The following IGSF10 variants were observed in gnomAD, a reference collection of about 807,000 sequenced individuals.
IGSF10 encodes the protein calvaria mechanical force protein 608.
A neutral mutation model predicts 128.2 loss-of-function variants in IGSF10; 126 were observed. The observed-to-expected ratio is 0.98, with a 90% CI of 0.85 to 1.14. The LOEUF is 1.14. IGSF10 is among the 50% of genes most tolerant of loss of function. The pLI, the probability that IGSF10 is intolerant of heterozygous loss-of-function variation, is 0.00. For missense variants in IGSF10, 3,295 were observed against 3,149.8 expected (o/e 1.05, Z -1.10); for synonymous variants, 1,185 against 1,146.2 (o/e 1.03, Z -0.68).
At chr3:151,444,033 G>C (rs1721034127) in intron 6 of IGSF10, 149 bp from the exon 7 acceptor site, 2 of 639,688 alleles carry the variant, frequency 3.1e-6, no homozygotes, top group African/African-American at 1.8e-5. Flanking sequence ...CAACACTTTG[G>C]GAGGCTGAGG....
chr3:151,432,902 A>G (rs558822294), downstream of IGSF10: 2 of 900,918 alleles, frequency 2.2e-6, no homozygotes, highest in African/African-American at 3.4e-5. Flanking sequence ...CCTTTTTTTC[A>G]TTTCTTTGAC....
the IGSF10 span, among the ~76,000 whole-genome samples, chr3:151,481,391 G>A: frequency 1.3e-5 from 2 of 152,172 alleles, no homozygotes; most frequent in Admixed American, 1.3e-4. Context: ...CCATGTTGCT[G>A]CTGCTGCACC....
the IGSF10 span, among the ~76,000 whole-genome samples, chr3:151,560,697 C>T: frequency 8.8e-6 from 1 of 113,532 alleles, no homozygotes; most frequent in Admixed American, 9.9e-5. Flanking sequence ...TTATGCATTG[C>T]CATAGCCCCC....
the IGSF10 span, chr3:151,499,571 G>A: frequency 6.6e-6 from 1 of 152,088 alleles, no homozygotes; most frequent in Non-Finnish European, 1.5e-5. Context: ...ATGAACAAGA[G>A]AATTGTGTTC....
At chr3:151,496,386 C>A in the IGSF10 span, among the ~76,000 whole-genome samples, 2 of 138,636 alleles carry the variant, frequency 1.4e-5, no homozygotes, top group Non-Finnish European at 3.1e-5. Context: ...GTGTGATGTT[C>A]CCCTTCCTGT....
At chr3:151,607,439 A>G in the IGSF10 span, among the ~76,000 whole-genome samples, 13 of 152,186 alleles carry the variant, frequency 8.5e-5, no homozygotes, top group Admixed American at 7.9e-4. Context: ...TGCCCTGTCC[A>G]CACCTTGGGC....
chr3:151,477,026 C>A, the IGSF10 span, among the ~76,000 whole-genome samples: 2 of 152,116 alleles, frequency 1.3e-5, no homozygotes, highest in South Asian at 4.1e-4. Context: ...ATGGTATAAA[C>A]CCTTCTACAC....
In IGSF10 at chr3:151,447,212, T is replaced by G; in HGVS notation, c.2769A>C (p.Thr923=). 1 of 1,614,230 alleles carries G rather than the reference T, an allele frequency of 6.2e-7. No homozygotes were observed. The highest frequency in any genetic ancestry group is 8.5e-7 in the Non-Finnish European group (1 of 1,180,042). ...TGACATCTTTGATCATAGTCCTTACTGTTATTGGGGGTCTACTTTGGAAAT... is the reference window on the plus strand; with the variant it reads ...TGACATCTTTGATCATAGTCCTTACGGTTATTGGGGGTCTACTTTGGAAAT... ...REHFQSRPPI[T]VRTMIKDVNV... is the part of the protein sequence containing the mutation. Residue 923 remains threonine (T), a synonymous_variant, in exon 6 of 8, where the codon ACA becomes ACC. Coordinates refer to ENST00000282466, the MANE Select transcript of IGSF10 (RefSeq NM_178822.5).
At chr3:151,504,049 C>T in the IGSF10 span, among the ~76,000 whole-genome samples, 2 of 152,210 alleles carry the variant, frequency 1.3e-5, no homozygotes, top group African/African-American at 4.8e-5. Context: ...CCTCTGGCTG[C>T]ATGACACCAA....
At chr3:151,494,285 A>T in the IGSF10 span, among the ~76,000 whole-genome samples, 4 of 114,756 alleles carry the variant, frequency 3.5e-5, no homozygotes, top group African/African-American at 1.5e-4. Flanking sequence ...AAGAAGAAGA[A>T]ACAATGATTT....
the IGSF10 span, among the ~76,000 whole-genome samples, chr3:151,548,441 C>A: frequency 2.0e-5 from 3 of 152,176 alleles, no homozygotes; most frequent in Admixed American, 2.0e-4. Context: ...ATTCCTACTG[C>A]GCTCTGCCTA....
chr3:151,517,373 G>T, the IGSF10 span, among the ~76,000 whole-genome samples: 1 of 151,956 alleles, frequency 6.6e-6, no homozygotes, highest in Non-Finnish European at 1.5e-5. Flanking sequence ...TAGGTCGTTT[G>T]GTTTACAGGC....
Position 151,460,978 on chromosome 3 carries a change from G to GCCCGGGCTAGGT in IGSF10, c.-133_-122dup, listed in dbSNP as rs1402320432. The GCCCGGGCTAGGT allele has an allele frequency of 3.0e-6, 3 of 985,236 alleles. No homozygotes were observed. The highest frequency in any genetic ancestry group is 2.3e-4 in the East Asian group (2 of 8,804). The allele number at this position is 985,236 out of a possible 1,614,324, so 61.0% of individuals were successfully genotyped here. A position where few individuals can be genotyped will look rare whatever the true frequency, so the allele number is the denominator to read the frequency against. On this transcript the variant is annotated 5_prime_UTR_variant, in exon 1 of 8. Coordinates refer to ENST00000282466, the MANE Select transcript of IGSF10 (RefSeq NM_178822.5). Reference sequence around the variant, plus strand: ...CCCTGGTGACCAATGGGCTCGAGCTGCCCGGGCTAGGTCCCGGGCTCGGTC... The same window carrying GCCCGGGCTAGGT: ...CCCTGGTGACCAATGGGCTCGAGCTGCCCGGGCTAGGTCCCGGGCTAGGTCCCGGGCTCGGTC...
chr3:151,437,591 A>G lies in IGSF10; in HGVS notation c.6970T>C (p.Leu2324=), dbSNP rs768696602. The G allele has an allele frequency of 8.7e-6, 14 of 1,614,012 alleles. No homozygotes were observed. The highest frequency in any genetic ancestry group is 1.2e-5 in the Non-Finnish European group (14 of 1,180,046). ...TCCAGTACTTCTAACTGTACTACCA[A>G]CACGCTCTCTCCACCTTCATTTCGG... ...VARNEGGESV[L]VVQLEVLEML... The change falls in exon 8 of 8, where the codon TTG becomes CTG. Residue 2324 remains leucine, a synonymous_variant. Transcript: ENST00000282466.
chr3:151,448,168 T>A lies in IGSF10; in HGVS notation c.1813A>T (p.Ile605Phe). 6.2e-7 allele frequency: 1 copy of A among 1,614,212 alleles called. No homozygotes were observed. Among genetic ancestry groups the A allele is most frequent in the Non-Finnish European group, 8.5e-7 (1 of 1,180,018 alleles). Residue 605 changes from isoleucine to phenylalanine, a missense_variant, in exon 6 of 8, where the codon ATT (isoleucine) becomes TTT (phenylalanine). Transcript: ENST00000282466. The stretch of plus-strand genomic sequence containing the variant: ...TTGTTTCCTGGAATAACCCAGCTAA[T>A]AGAGGCATCTGGGATACCAGTAGAA... ...CHSTGIPDAS[I>F]SWVIPGNNVL...
chr3:151,485,617 A>G, the IGSF10 span, among the ~76,000 whole-genome samples: 182 of 152,346 alleles, frequency 1.2e-3, no homozygotes, highest in Non-Finnish European at 2.0e-3. Context: ...CAGAAACCCT[A>G]CAAGCCAGAA....
At chr3:151,467,672 C>G in the IGSF10 span, among the ~76,000 whole-genome samples, 1 of 152,000 alleles carries the variant, frequency 6.6e-6, no homozygotes, top group Non-Finnish European at 1.5e-5. Flanking sequence ...ATCACGAGGT[C>G]AGGAGATCGA....
At chr3:151,530,752 T>G in the IGSF10 span, among the ~76,000 whole-genome samples, 23 of 152,102 alleles carry the variant, frequency 1.5e-4, no homozygotes, top group African/African-American at 4.3e-4. Context: ...ACTAGCCACT[T>G]CAAAAACATA....
the IGSF10 span, among the ~76,000 whole-genome samples, chr3:151,558,006 A>ATATATATAATATATATATATAATATATAT: frequency 7.5e-5 from 2 of 26,670 alleles, no homozygotes; most frequent in African/African-American, 2.7e-4. Context: ...AGTATATATA[A>ATATATATAATATATATATATAATATATAT]TATATATATA....
Sources: gnomAD v4.1 joint callset for allele counts (sites outside exome capture counted in the v4.1 genomes callset) on GRCh38, gnomAD v4.1.1 for gene constraint, MANE v1.5 for transcripts, NCBI Gene and HGNC (gene_info 2026-07-23, HGNC 2026-07-21) for gene names.